The following SPIDR variants were observed in gnomAD, a reference collection of about 807,000 sequenced individuals.
The protein encoded by SPIDR is scaffold protein involved in DNA repair.
SPIDR carries 93 observed loss-of-function variants against 104.6 expected under a neutral mutation model. The observed-to-expected ratio is 0.89, with a 90% CI of 0.75 to 1.06. The LOEUF is 1.06. Among genes scored for constraint, SPIDR ranks in the 50% least tolerant of loss-of-function variants. The pLI is 0.00. For synonymous variants in SPIDR, 431 were observed against 416.9 expected, an observed-to-expected ratio of 1.03 and a Z score of -0.41; for missense variants, 1,154 against 1,111.2, an observed-to-expected ratio of 1.04 and a Z score of -0.55.
chr8:47,450,929 G>A (rs567269338), intron 8 of SPIDR, among the ~76,000 whole-genome samples: 2 of 152,168 alleles, frequency 1.3e-5, no homozygotes, highest in Non-Finnish European at 2.9e-5. Context: ...AAGATTCTGC[G>A]ATCCCTGAGG....
At chr8:47,544,056 T>C (rs2088781607) in intron 8 of SPIDR, among the ~76,000 whole-genome samples, 2 of 152,054 alleles carry the variant, frequency 1.3e-5, no homozygotes, top group Admixed American at 1.3e-4. Flanking sequence ...CAGGACTTTG[T>C]TTTTTAGGGT....
chr8:47,685,501 A>ATTTTTTTTTTTTTTTTTTTT (rs1326028640), intron 11 of SPIDR, among the ~76,000 whole-genome samples: 4 of 110,224 alleles, frequency 3.6e-5, no homozygotes, highest in East Asian at 3.2e-4. Flanking sequence ...TTATTTATTT[A>ATTTTTTTTTTTTTTTTTTTT]TTTATTTATT....
intron 5 of SPIDR, among the ~76,000 whole-genome samples, chr8:47,394,756 G>T (rs1235567964): frequency 6.6e-6 from 1 of 152,068 alleles, no homozygotes; most frequent in Non-Finnish European, 1.5e-5. Context: ...GGGTTTTAGT[G>T]TCAGCTTCAT....
intron 8 of SPIDR, among the ~76,000 whole-genome samples, chr8:47,485,972 C>T (rs1371481351): frequency 1.3e-5 from 2 of 152,188 alleles, no homozygotes; most frequent in East Asian, 1.9e-4. Flanking sequence ...TGCAGCTCCT[C>T]GCCAGCAACG....
intron 5 of SPIDR, among the ~76,000 whole-genome samples, chr8:47,385,150 G>A (rs1427042957): frequency 6.6e-6 from 1 of 152,122 alleles, no homozygotes; most frequent in East Asian, 1.9e-4. Context: ...AATAACCTCA[G>A]CTCCCAGAAT....
At chr8:47,554,628 C>A (rs1353519853) in intron 8 of SPIDR, among the ~76,000 whole-genome samples, 1 of 152,140 alleles carries the variant, frequency 6.6e-6, no homozygotes, top group Non-Finnish European at 1.5e-5. Flanking sequence ...GGTAGTGTCC[C>A]GATTTTCTAG....
chr8:47,681,871 G>A (rs1034819498), intron 11 of SPIDR, among the ~76,000 whole-genome samples: 22 of 152,134 alleles, frequency 1.4e-4, no homozygotes, highest in Non-Finnish European at 2.1e-4. Flanking sequence ...GAATAATAAA[G>A]GAGTGTGTAG....
intron 18 of SPIDR, 140 bp downstream of exon 18, chr8:47,729,187 C>T: frequency 6.6e-7 from 1 of 1,523,670 alleles, no homozygotes; most frequent in Non-Finnish European, 8.8e-7. Context: ...GCATCTGGAA[C>T]TCCCTCTAGG....
chr8:47,695,775 A>G (rs1452904065), intron 11 of SPIDR, among the ~76,000 whole-genome samples: 1 of 152,242 alleles, frequency 6.6e-6, no homozygotes, highest in African/African-American at 2.4e-5. Flanking sequence ...TCATCTACCA[A>G]TCAAGATAAA....
At chr8:47,334,749 AATC>A (rs1554607417) in intron 5 of SPIDR, among the ~76,000 whole-genome samples, 1 of 152,186 alleles carries the variant, frequency 6.6e-6, no homozygotes. Flanking sequence ...TGACTTTTAA[AATC>A]ATCATTGGTA....
At chr8:47,262,900 GAGGTGACTTTCCCTT>G (rs2032874441) in intron 1 of SPIDR, among the ~76,000 whole-genome samples, 2 of 152,204 alleles carry the variant, frequency 1.3e-5, no homozygotes, top group African/African-American at 4.8e-5. Flanking sequence ...TCCATCTTCA[GAGGTGACTTTCCCTT>G]AGGCACTACT....
intron 5 of SPIDR, among the ~76,000 whole-genome samples, chr8:47,341,190 C>T (rs782797819): frequency 3.9e-5 from 6 of 152,162 alleles, no homozygotes; most frequent in Non-Finnish European, 7.3e-5. Flanking sequence ...ACTCAGTTGG[C>T]ATTAGAAAAA....
At chr8:47,437,607 A>G (rs2068597076) in intron 7 of SPIDR, among the ~76,000 whole-genome samples, 1 of 152,148 alleles carries the variant, frequency 6.6e-6, no homozygotes, top group Admixed American at 6.5e-5. Context: ...TCAAAAGAAG[A>G]CATTTATGCA....
Position 47,491,518 on chromosome 8 carries a change from T to A in SPIDR, c.1097+50976T>A, listed in dbSNP as rs377252451. On this transcript the variant is annotated intron_variant, in intron 8 of 19. Coordinates refer to ENST00000297423, the MANE Select transcript of SPIDR (RefSeq NM_001080394.4). Reference sequence around the variant, plus strand: ...ATGAATCTGGCATGTTTTCTATAAGTCTGAAAGAATTTCAAAAAAAAAATG... The same window carrying A: ...ATGAATCTGGCATGTTTTCTATAAGACTGAAAGAATTTCAAAAAAAAAATG... Among the ~76,000 whole-genome samples, 27 of 151,868 alleles carry A rather than the reference T, an allele frequency of 1.8e-4. No individual in the cohort carries two copies. In the South Asian group the frequency reaches 4.0e-3, roughly 22 times the overall value.
intron 8 of SPIDR, among the ~76,000 whole-genome samples, chr8:47,464,644 T>A (rs2074473398): frequency 6.6e-6 from 1 of 151,982 alleles, no homozygotes; most frequent in Non-Finnish European, 1.5e-5. Context: ...CAAAGAACCC[T>A]TTTGTCTTGT....
chr8:47,442,240 A>G (rs1459096993), intron 8 of SPIDR, among the ~76,000 whole-genome samples: 1 of 152,198 alleles, frequency 6.6e-6, no homozygotes, highest in Non-Finnish European at 1.5e-5. Flanking sequence ...CACCTCTTCA[A>G]TTAATCACAC....
At chr8:47,702,098 TAC>T (rs3062665) in intron 14 of SPIDR, 83 bp downstream of exon 14, 7 of 63,674 alleles carry the variant, frequency 1.1e-4, no homozygotes, top group African/African-American at 3.7e-4. Flanking sequence ...CTCTCTCTCT[TAC>T]ACACACACAC....
chr8:47,735,087 GGTGTGTGGGTGTGTGTGTGTGTGGGT>G (rs1203401809), intron 19 of SPIDR, among the ~76,000 whole-genome samples, 194 bp from the exon 20 acceptor site: 18 of 148,186 alleles, frequency 1.2e-4, no homozygotes, highest in African/African-American at 4.1e-4. Flanking sequence ...AAAATAAATG[GGTGTGTGGGTGTGTGTGTGTGTGGGT>G]GTGTGTGTGT....
At chr8:47,663,522 C>T (rs1337732238) in intron 10 of SPIDR, among the ~76,000 whole-genome samples, 1 of 152,242 alleles carries the variant, frequency 6.6e-6, no homozygotes, top group Non-Finnish European at 1.5e-5. Context: ...AATGACAAAC[C>T]CCCAAGTGCT....
Sources: allele counts gnomAD v4.1 joint callset (sites outside exome capture counted in the v4.1 genomes callset), GRCh38; gene constraint gnomAD v4.1.1; transcripts MANE v1.5; gene names NCBI Gene and HGNC (gene_info 2026-07-23, HGNC 2026-07-21).